Variants in DMD observed in about 807,000 individuals in gnomAD.
DMD encodes the protein mutant dystrophin.
In DMD, 63 loss-of-function variants were observed where a neutral mutation model predicts 330.1. That is an observed-to-expected ratio of 0.19 (90% CI 0.16 to 0.24). The LOEUF is 0.24. Among genes scored for constraint, DMD ranks in the 10% least tolerant of loss-of-function variants. The pLI is 1.00. For missense variants in DMD, 3,344 were observed against 2,684.1 expected, an observed-to-expected ratio of 1.25 and a Z score of -5.43; for synonymous variants, 1,223 against 959.8, an observed-to-expected ratio of 1.27 and a Z score of -5.07.
chrX:31,248,182 A>G (rs759942132), intron 63 of DMD, among the ~76,000 whole-genome samples: 1 of 112,381 alleles, frequency 8.9e-6, no homozygotes, highest in Non-Finnish European at 1.9e-5. Context: ...GCTGTTGCAC[A>G]CTTACTAGAC....
At chrX:32,778,409 C>A (rs2074386378) in intron 7 of DMD, among the ~76,000 whole-genome samples, 1 of 111,222 alleles carries the variant, frequency 9.0e-6, no homozygotes, top group Admixed American at 9.6e-5. Context: ...CCAAGTACAA[C>A]AGACCAGAGC....
intron 44 of DMD, 92 bp downstream of exon 44, chrX:32,216,824 C>T: frequency 1.2e-6 from 1 of 833,256 alleles, no homozygotes; most frequent in South Asian, 2.2e-5. Flanking sequence ...AAGTAATTTC[C>T]ATCACCCTTC....
At chrX:32,006,639 GA>G (rs1389214356) in intron 44 of DMD, among the ~76,000 whole-genome samples, 1 of 111,098 alleles carries the variant, frequency 9.0e-6, no homozygotes, top group African/African-American at 3.3e-5. Flanking sequence ...AGTTTCCCCT[GA>G]ATAGTCACAT....
At chrX:32,951,279 C>T (rs1177115938) in intron 2 of DMD, among the ~76,000 whole-genome samples, 1 of 111,507 alleles carries the variant, frequency 9.0e-6, no homozygotes, top group Non-Finnish European at 1.9e-5. Flanking sequence ...CTTGTGGAGG[C>T]GATTCAGCTT....
chrX:32,356,716 G>A (rs1417161846), intron 37 of DMD, among the ~76,000 whole-genome samples: 1 of 110,932 alleles, frequency 9.0e-6, no homozygotes, highest in Non-Finnish European at 1.9e-5. Context: ...TAAATCTCTA[G>A]AAAAATACAA....
chrX:32,210,334 C>T (rs1318502054), intron 44 of DMD, among the ~76,000 whole-genome samples: 1 of 111,661 alleles, frequency 9.0e-6, no homozygotes, highest in Non-Finnish European at 1.9e-5. Context: ...AATTTTATTA[C>T]TGCTGGGGAA....
chrX:32,375,537 A>C (rs1385231820), intron 34 of DMD, among the ~76,000 whole-genome samples: 5 of 112,034 alleles, frequency 4.5e-5, no homozygotes, highest in Admixed American at 9.5e-5. Flanking sequence ...GTGATTTTAG[A>C]CACACAGAAA....
intron 48 of DMD, among the ~76,000 whole-genome samples, chrX:31,868,338 A>C (rs191739789): frequency 5.1e-4 from 57 of 112,424 alleles, no homozygotes; most frequent in African/African-American, 1.8e-3. Context: ...ACTCATGAGA[A>C]TTTAGAGTAT....
chrX:32,144,490 G>A (rs1172950721), intron 44 of DMD, among the ~76,000 whole-genome samples: 1 of 111,355 alleles, frequency 9.0e-6, no homozygotes, highest in Admixed American at 9.6e-5. Flanking sequence ...CCTCTAATTC[G>A]TTTATATTAA....
intron 13 of DMD, among the ~76,000 whole-genome samples, chrX:32,593,947 A>C (rs1035031334): frequency 7.1e-5 from 8 of 112,427 alleles, no homozygotes; most frequent in African/African-American, 2.6e-4. Flanking sequence ...AACCTTTGAG[A>C]GAAAGAATCT....
intron 2 of DMD, among the ~76,000 whole-genome samples, chrX:32,886,050 CAT>C (rs1031343983): frequency 9.0e-5 from 10 of 111,059 alleles, no homozygotes; most frequent in South Asian, 3.8e-4. Context: ...TGTATAACAA[CAT>C]ATGTAGATAA....
intron 54 of DMD, among the ~76,000 whole-genome samples, chrX:31,649,270 T>C (rs1476067521): frequency 9.0e-6 from 1 of 111,707 alleles, no homozygotes; most frequent in Non-Finnish European, 1.9e-5. Context: ...TAAGCATATA[T>C]TTTGGTGCGT....
At chrX:31,635,674 G>A (rs993010061) in intron 54 of DMD, among the ~76,000 whole-genome samples, 7 of 111,643 alleles carry the variant, frequency 6.3e-5, no homozygotes, top group Non-Finnish European at 1.3e-4. Context: ...TTTCATAACC[G>A]CTGATCTAAA....
intron 43 of DMD, among the ~76,000 whole-genome samples, chrX:32,248,596 CA>C (rs60426992): frequency 0.014 from 1,413 of 98,905 alleles, 21 homozygotes; most frequent in East Asian, 0.1. Context: ...GGCACTATTC[CA>C]AAAAAAAAAA....
chrX:31,626,374 A>T (rs2148413811), intron 55 of DMD, among the ~76,000 whole-genome samples: 1 of 112,084 alleles, frequency 8.9e-6, no homozygotes, highest in South Asian at 3.7e-4. Context: ...AAATAGCCTA[A>T]GCCAAATATA....
At chrX:31,744,397 A>G (rs1303608610) in intron 51 of DMD, among the ~76,000 whole-genome samples, 1 of 112,276 alleles carries the variant, frequency 8.9e-6, no homozygotes, top group Admixed American at 9.5e-5. Flanking sequence ...CTTTCAATTT[A>G]CAAAAAGTGA....
chrX:32,949,841 T>C (rs1342550763), intron 2 of DMD, among the ~76,000 whole-genome samples: 1 of 78,732 alleles, frequency 1.3e-5, no homozygotes, highest in Non-Finnish European at 2.4e-5. Context: ...ACTCATCCTT[T>C]CTGAATATGT....
At chrX:32,849,698 A>G in intron 3 of DMD, 30 bp downstream of exon 3, 1 of 1,069,840 alleles carries the variant, frequency 9.3e-7, no homozygotes, top group African/African-American at 1.8e-5. Context: ...CTAAGTTTAA[A>G]GTTAACTTTC....
At chrX:32,561,531 G>GT (rs1267974475) in intron 16 of DMD, among the ~76,000 whole-genome samples, 3 of 111,924 alleles carry the variant, frequency 2.7e-5, no homozygotes, top group African/African-American at 9.7e-5. Context: ...AGCAAAGACT[G>GT]TTTGGGGAAC....
Sources: allele counts gnomAD v4.1 joint callset (sites outside exome capture counted in the v4.1 genomes callset), GRCh38; gene constraint gnomAD v4.1.1; transcripts MANE v1.5; gene names NCBI Gene and HGNC (gene_info 2026-07-23, HGNC 2026-07-21).